SRP68: variants seen among roughly 807,000 people sequenced by gnomAD.
SRP68 encodes signal recognition particle 68, also known as signal recognition particle subunit SRP68.
Under a neutral mutation model 82.2 loss-of-function variants are expected in SRP68, and 15 were observed. The observed-to-expected ratio is 0.18, with a 90% CI of 0.12 to 0.28. The LOEUF (loss-of-function observed/expected upper bound fraction) is 0.28, where lower values mean the gene tolerates loss of function less well. SRP68 is among the 10% of genes least tolerant of loss of function. SRP68 has a pLI of 1.00. For synonymous variants in SRP68, 261 were observed against 292.6 expected, an observed-to-expected ratio of 0.89 and a Z score of 1.10; for missense variants, 595 against 780.5, an observed-to-expected ratio of 0.76 and a Z score of 2.83.
intron 1 of SRP68, among the ~76,000 whole-genome samples, chr17:76,070,906 G>C (rs2066848500): frequency 6.7e-6 from 1 of 150,362 alleles, no homozygotes; most frequent in Admixed American, 6.6e-5. Context: ...TAGTACACTG[G>C]TGAGATCTTT....
intron 8 of SRP68, among the ~76,000 whole-genome samples, chr17:76,056,298 G>A (rs747455426): frequency 6.6e-6 from 1 of 152,150 alleles, no homozygotes; most frequent in African/African-American, 2.4e-5. Context: ...GAGGACAGAA[G>A]TAGTTTCTTT....
chr17:76,039,488 T>C lies in SRP68; in HGVS notation c.*218A>G. 1.5e-6 allele frequency: 1 copy of C among 659,492 alleles called. No homozygotes were observed. The highest frequency in any genetic ancestry group is 2.8e-6 in the Non-Finnish European group (1 of 363,038). 40.9% of individuals were successfully genotyped at this position (659,492 alleles called of 1,614,324 possible). On this transcript the variant is annotated 3_prime_UTR_variant, in exon 16 of 16. Transcript: ENST00000307877. The stretch of plus-strand genomic sequence containing the variant: ...TTCCCAGGAGGTACAGGAGACAGGA[T>C]GACCCTGCACACATTTACCAGAAGA...
chr17:76,043,547 A>G (rs559402411), intron 13 of SRP68: 1 of 210,820 alleles, frequency 4.7e-6, no homozygotes, highest in African/African-American at 2.3e-5. Context: ...ACGTGCAGTC[A>G]AGTCTGAGAG....
At chr17:76,060,686 G>A in intron 6 of SRP68, 1 of 374,442 alleles carries the variant, frequency 2.7e-6, no homozygotes, top group Non-Finnish European at 4.8e-6. Context: ...GGGAGATGAT[G>A]GTGTGTCTAT....
chr17:76,061,692 G>A, intron 4 of SRP68, 118 bp from the exon 5 acceptor site: 1 of 766,714 alleles, frequency 1.3e-6, no homozygotes, highest in Non-Finnish European at 2.1e-6. Context: ...CAGGTGCAGT[G>A]GCTCACACCT....
intron 8 of SRP68, among the ~76,000 whole-genome samples, chr17:76,055,798 T>C (rs999657714): frequency 2.8e-5 from 4 of 143,984 alleles, no homozygotes; most frequent in Admixed American, 1.5e-4. Context: ...TTATTAACTT[T>C]TTTTTCTTCT....
chr17:76,069,161 G>T (rs1026768049), intron 2 of SRP68, among the ~76,000 whole-genome samples: 2 of 151,912 alleles, frequency 1.3e-5, no homozygotes, highest in Non-Finnish European at 2.9e-5. Flanking sequence ...GCTGAGGCAG[G>T]CAGATCACTT....
chr17:76,057,517 T>C lies in SRP68; in HGVS notation c.864A>G (p.Lys288=), dbSNP rs1354223665. The change falls in exon 8 of 16, where the codon AAA becomes AAG. Residue 288 remains lysine, a synonymous_variant. Transcript: ENST00000307877. ...CCACTTCACTCATGGTAGCTGCCTG[T>C]TTGGCTCGAGTCTGAGTGATCAAAG... ...LEALITQTRA[K]QAATMSEVEW... 1 of 1,614,196 alleles carries C rather than the reference T, an allele frequency of 6.2e-7. No individual in the cohort carries two copies. The highest frequency in any genetic ancestry group is 1.7e-5 in the Admixed American group (1 of 60,006).
intron 13 of SRP68, 77 bp from the exon 14 acceptor site, chr17:76,041,055 G>T (rs987276219): frequency 1.8e-6 from 2 of 1,103,574 alleles, no homozygotes; most frequent in African/African-American, 1.5e-5. Context: ...CGAGTTAACC[G>T]ACCCCACTGG....
At chr17:76,068,645 T>TATA (rs914730515) in intron 2 of SRP68, among the ~76,000 whole-genome samples, 1 of 152,186 alleles carries the variant, frequency 6.6e-6, no homozygotes, top group African/African-American at 2.4e-5. Flanking sequence ...AAATGTCACC[T>TATA]CTATGCCAAG....
At position 76,057,408 on chromosome 17, in the gene SRP68, C is replaced by A. The variant is rs1345508248; in HGVS notation, c.973G>T (p.Val325Phe). ...AGTAAGTTCTTCCTCCTCACCTGGA[C>A]AATAGCTGCTTCGTTATCAGCCAGT... ...LGLADNEAAI[V>F]QAESEETKER... The change falls in exon 8 of 16, where the codon GTC becomes TTC. Residue 325 changes from valine (V) to phenylalanine (F), a missense_variant. By Grantham distance (50) the Val-to-Phe change is conservative (BLOSUM62 -1). This residue lies in a region of SRP68 where 495 missense variants were observed against 688.6 expected (regional missense o/e 0.72). Transcript: ENST00000307877. 2 of 1,614,070 alleles carry A rather than the reference C, an allele frequency of 1.2e-6. No individual in the cohort carries two copies. The highest frequency in any genetic ancestry group is 3.3e-5 in the Admixed American group (2 of 59,984).
chr17:76,054,767 G>A (rs2066700620), intron 8 of SRP68, among the ~76,000 whole-genome samples: 1 of 151,764 alleles, frequency 6.6e-6, no homozygotes, highest in African/African-American at 2.4e-5. Context: ...AGGTTGCAGT[G>A]AGCTGAGATC....
At chr17:76,066,500 T>C (rs1458512256) in intron 3 of SRP68, among the ~76,000 whole-genome samples, 1 of 151,886 alleles carries the variant, frequency 6.6e-6, no homozygotes, top group Non-Finnish European at 1.5e-5. Context: ...TTAAGATATA[T>C]TGATATATGC....
At chr17:76,060,662 A>G (rs1399877545) in intron 6 of SRP68, 1 of 399,862 alleles carries the variant, frequency 2.5e-6, no homozygotes, top group Non-Finnish European at 4.5e-6. Context: ...ACCCTGATGT[A>G]AACTATGGAC....
At position 76,043,876 on chromosome 17, in the gene SRP68, C is replaced by T; in HGVS notation, c.1477G>A (p.Ala493Thr). Residue 493 changes from alanine (A) to threonine (T), a missense_variant, in exon 13 of 16, where the codon GCA becomes ACA. Physicochemically the swap from Ala to Thr is moderately conservative, Grantham distance 58 (BLOSUM62 0). Around this residue, in one of 2 missense-constraint regions of SRP68, gnomAD observed 495 missense variants for 688.6 expected, o/e 0.72. Coordinates refer to ENST00000307877, the MANE Select transcript of SRP68 (RefSeq NM_014230.4). ...LVLYDRVLKY[A>T]NEVNSDAGAF... ...CCAGCATCAGAATTTACTTCATTTG[C>T]ATATTTCAGGACTCTGTCATACAGG... is the stretch of plus-strand genomic sequence containing the variant. 1 of 1,611,084 alleles carries T rather than the reference C, an allele frequency of 6.2e-7. No homozygotes were observed. The highest frequency in any genetic ancestry group is 8.5e-7 in the Non-Finnish European group (1 of 1,179,190).
rs190101538 is a variant in SRP68, at chr17:76,062,648, C to T, written c.562-1074G>A. 2.8e-3 allele frequency among the ~76,000 whole-genome samples: 63 copies of T among 22,162 alleles called. 4 individuals carry two copies. The African/African-American group carries it at 0.031, about 11-fold the overall frequency. The allele number at this position is 22,162 out of a possible 152,430, so 14.5% of individuals were successfully genotyped here. ...TATACATTATATATTATATAATATA[C>T]ATTATATATTATATAATATACATTA... On this transcript the variant is annotated intron_variant, in intron 4 of 15. Coordinates refer to ENST00000307877, the MANE Select transcript of SRP68 (RefSeq NM_014230.4).
chr17:76,050,109 T>C (rs1192417825), intron 9 of SRP68, among the ~76,000 whole-genome samples: 1 of 152,132 alleles, frequency 6.6e-6, no homozygotes, highest in East Asian at 1.9e-4. Flanking sequence ...CCTAGATGCC[T>C]GAATCAACCA....
intron 6 of SRP68, 120 bp from the exon 7 acceptor site, chr17:76,060,510 C>T: frequency 1.5e-6 from 1 of 665,162 alleles, no homozygotes; most frequent in East Asian, 2.6e-5. Context: ...GAATCTGCAG[C>T]ACAATCTGTT....
intron 2 of SRP68, among the ~76,000 whole-genome samples, chr17:76,069,500 A>G (rs2066832545): frequency 6.6e-6 from 1 of 152,154 alleles, no homozygotes; most frequent in African/African-American, 2.4e-5. Flanking sequence ...GGATCACCTG[A>G]GGTCAGGAGT....
Sources: allele counts gnomAD v4.1 joint callset (sites outside exome capture counted in the v4.1 genomes callset), GRCh38; gene constraint gnomAD v4.1.1; regional missense constraint gnomAD v4.1.1; transcripts MANE v1.5; gene names NCBI Gene and HGNC (gene_info 2026-07-23, HGNC 2026-07-21).